The following PTPRD variants were observed in gnomAD, a reference collection of about 807,000 sequenced individuals.
The protein encoded by PTPRD is protein tyrosine phosphatase receptor type D.
Under a neutral mutation model 214.5 loss-of-function variants are expected in PTPRD, and 34 were observed. The ratio of observed to expected loss-of-function variants is 0.16; its 90% CI spans 0.12 to 0.21. The LOEUF is 0.21. Among genes scored for constraint, PTPRD ranks in the 10% least tolerant of loss-of-function variants. The pLI is 1.00. For missense variants in PTPRD, 2,545 were observed against 2,398.7 expected (o/e 1.06, Z -1.27); for synonymous variants, 1,128 against 845.7 (o/e 1.33, Z -5.79).
chr9:10,398,390 T>G (rs1354626330), intron 2 of PTPRD, among the ~76,000 whole-genome samples: 8 of 151,048 alleles, frequency 5.3e-5, no homozygotes, highest in African/African-American at 1.7e-4. Context: ...TATCTATATC[T>G]ACCTATATCT....
chr9:9,112,935 C>G (rs886380871), intron 10 of PTPRD, among the ~76,000 whole-genome samples: 1 of 151,364 alleles, frequency 6.6e-6, no homozygotes, highest in African/African-American at 2.4e-5. Context: ...CACAATAGGA[C>G]AAACTTTTAG....
chr9:9,217,240 G>A (rs750067728), intron 9 of PTPRD, among the ~76,000 whole-genome samples: 39 of 152,118 alleles, frequency 2.6e-4, no homozygotes, highest in Non-Finnish European at 4.6e-4. Context: ...TGTAAAATGT[G>A]GATGATAATA....
chr9:9,978,409 T>C (rs1222275291), intron 4 of PTPRD, among the ~76,000 whole-genome samples: 1 of 151,952 alleles, frequency 6.6e-6, no homozygotes, highest in Non-Finnish European at 1.5e-5. Context: ...ATGCAAGAAT[T>C]GAAGAATTCC....
intron 3 of PTPRD, among the ~76,000 whole-genome samples, chr9:10,268,425 G>C (rs28397580): frequency 1.3e-5 from 2 of 151,756 alleles, no homozygotes; most frequent in East Asian, 3.9e-4. Flanking sequence ...AGTTTTCTTA[G>C]GGATTTAAAT....
rs182850078 is a variant in PTPRD at position 9,651,899 on chromosome 9, A to G, written c.-286-77118T>C. On this transcript the variant is annotated intron_variant, in intron 7 of 45. Transcript: ENST00000381196. ...ACCCAGGCTGGAGTGCAGTGGAGCGATCTTGGCTCACTGCAAGTTCCGTCT... is the reference window on the plus strand; with the variant it reads ...ACCCAGGCTGGAGTGCAGTGGAGCGGTCTTGGCTCACTGCAAGTTCCGTCT... 2.1e-4 allele frequency among the ~76,000 whole-genome samples: 28 copies of G among 130,952 alleles called. No homozygotes were observed. In the East Asian group the frequency reaches 6.3e-3, roughly 30 times the overall value. 85.9% of individuals were successfully genotyped at this position (130,952 alleles called of 152,430 possible). A position where few individuals can be genotyped will look rare whatever the true frequency, so the allele number is the denominator to read the frequency against.
intron 2 of PTPRD, among the ~76,000 whole-genome samples, chr9:10,474,115 G>T (rs1350937230): frequency 6.6e-6 from 1 of 151,982 alleles, no homozygotes; most frequent in Non-Finnish European, 1.5e-5. Flanking sequence ...ATCACGACAG[G>T]ATCAAATTCA....
chr9:9,573,416 TA>T (rs567999592), intron 8 of PTPRD, among the ~76,000 whole-genome samples: 8,957 of 145,846 alleles, frequency 0.061, 337 homozygotes, highest in Non-Finnish European at 0.091. Context: ...GTTCTTTTTT[TA>T]AAAAAAAAAA....
intron 9 of PTPRD, among the ~76,000 whole-genome samples, chr9:9,229,245 G>C (rs957374197): frequency 1.3e-5 from 2 of 151,932 alleles, no homozygotes; most frequent in African/African-American, 4.8e-5. Flanking sequence ...ACTTACATTG[G>C]AAAAAGCAGA....
At position 8,990,694 on chromosome 9, in the gene PTPRD, T is replaced by C. The variant is rs143324360; in HGVS notation, c.-104+28003A>G. On this transcript the variant is annotated intron_variant, in intron 11 of 45. Transcript: ENST00000381196. ...TGCCTTTCTGTGTAGGAGATGGCCA[T>C]AAAGAAATTGATGTACCTTGTTTGA... 1.8e-3 allele frequency among the ~76,000 whole-genome samples: 273 copies of C among 152,214 alleles called. 2 individuals are homozygous for C. Among genetic ancestry groups the C allele is most frequent in the African/African-American group, 6.2e-3 (259 of 41,544 alleles).
At chr9:10,538,030 C>T (rs78536947) in intron 2 of PTPRD, among the ~76,000 whole-genome samples, 87 of 152,134 alleles carry the variant, frequency 5.7e-4, no homozygotes, top group African/African-American at 2.0e-3. Flanking sequence ...AACCCAGCTC[C>T]TTGATGTCAG....
intron 7 of PTPRD, among the ~76,000 whole-genome samples, chr9:9,711,220 A>G (rs1012391659): frequency 1.3e-5 from 2 of 152,170 alleles, no homozygotes; most frequent in African/African-American, 4.8e-5. Flanking sequence ...TGAATCTTTA[A>G]AAAATGCAGT....
At chr9:10,190,737 A>T (rs1389988145) in intron 3 of PTPRD, among the ~76,000 whole-genome samples, 11 of 150,348 alleles carry the variant, frequency 7.3e-5, no homozygotes, top group Non-Finnish European at 1.6e-4. Flanking sequence ...AAAAAAAAAA[A>T]AAAAAAGTCA....
At chr9:8,331,987 A>AAAAACCTGGTTCTCGTT (rs1841826528) in intron 43 of PTPRD, among the ~76,000 whole-genome samples, 1 of 151,898 alleles carries the variant, frequency 6.6e-6, no homozygotes, top group African/African-American at 2.4e-5. Flanking sequence ...GTGCCCAGTT[A>AAAAACCTGGTTCTCGTT]AAAACCTGGT....
chr9:8,858,343 C>T (rs1424334966), intron 11 of PTPRD: 3 of 152,600 alleles, frequency 2.0e-5, no homozygotes, highest in Non-Finnish European at 4.4e-5. Context: ...AACTGAGGCT[C>T]GTGGGGGGAG....
intron 7 of PTPRD, among the ~76,000 whole-genome samples, chr9:9,663,160 G>C (rs980717379): frequency 2.6e-5 from 4 of 151,244 alleles, no homozygotes; most frequent in Non-Finnish European, 5.9e-5. Flanking sequence ...CAAAAACTCA[G>C]AATTAAAATT....
intron 37 of PTPRD, among the ~76,000 whole-genome samples, chr9:8,382,838 C>A (rs533411361): frequency 1.3e-5 from 2 of 152,196 alleles, no homozygotes; most frequent in African/African-American, 2.4e-5. Flanking sequence ...TTCTGTTGCC[C>A]TAGATAGGCA....
At chr9:9,856,486 C>T (rs1048343111) in intron 5 of PTPRD, among the ~76,000 whole-genome samples, 2 of 151,964 alleles carry the variant, frequency 1.3e-5, no homozygotes, top group Non-Finnish European at 2.9e-5. Context: ...GTGTATGAAG[C>T]AAAGTAATGG....
intron 5 of PTPRD, among the ~76,000 whole-genome samples, chr9:9,901,028 G>C (rs768230947): frequency 6.6e-6 from 1 of 152,122 alleles, no homozygotes; most frequent in African/African-American, 2.4e-5. Flanking sequence ...TTGTCTGACA[G>C]TTCTGCAGGC....
intron 3 of PTPRD, among the ~76,000 whole-genome samples, chr9:10,181,218 A>G (rs1263213797): frequency 1.3e-5 from 2 of 152,106 alleles, no homozygotes; most frequent in East Asian, 3.9e-4. Context: ...CCATAATATA[A>G]TTTTATATGA....
Sources: allele counts gnomAD v4.1 joint callset (sites outside exome capture counted in the v4.1 genomes callset), GRCh38; gene constraint gnomAD v4.1.1; transcripts MANE v1.5; gene names NCBI Gene and HGNC (gene_info 2026-07-23, HGNC 2026-07-21).